Variants in ANK3 observed in about 807,000 individuals in gnomAD.
The protein encoded by ANK3 is ankyrin 3.
ANK3 carries 57 observed loss-of-function variants against 370.9 expected under a neutral mutation model. That is an observed-to-expected ratio of 0.15 (90% CI 0.12 to 0.19). The LOEUF (loss-of-function observed/expected upper bound fraction) is 0.19, where lower values mean the gene tolerates loss of function less well. Ranked by LOEUF, ANK3 falls within the 10% of genes least tolerant of loss-of-function variation. The pLI, the probability that ANK3 is intolerant of heterozygous loss-of-function variation, is 1.00. For synonymous variants in ANK3, 1,929 were observed against 1,946.3 expected (o/e 0.99, Z 0.23); for missense variants, 4,439 against 5,302.1 (o/e 0.84, Z 5.06).
In ANK3 at chr10:60,687,531, A is replaced by ACACAC. The variant is rs111633246; in HGVS notation, c.57+45731_57+45732insGTGTG. On this transcript the variant is annotated intron_variant, in intron 1 of 43. Transcript: ENST00000373827. ...CTCACATGCATTAGGCTGGTATAAA[A>ACACAC]AAAAACACACACACACACACACATG... Among the ~76,000 whole-genome samples the ACACAC allele has an allele frequency of 1.1e-4, 13 of 121,126 alleles. No homozygotes were observed. In the South Asian group the frequency reaches 2.0e-3, roughly 19 times the overall value. 79.5% of individuals were successfully genotyped at this position (121,126 alleles called of 152,430 possible). A position where few individuals can be genotyped will look rare whatever the true frequency, so the allele number is the denominator to read the frequency against.
intron 27 of ANK3, among the ~76,000 whole-genome samples, chr10:60,107,507 C>CA (rs2092310221): frequency 6.6e-6 from 1 of 152,162 alleles, no homozygotes; most frequent in Admixed American, 6.5e-5. Context: ...ACTGCCAAGG[C>CA]AAATACAACA....
Position 60,072,275 on chromosome 10 carries a change from T to C in ANK3, c.8606A>G (p.Lys2869Arg). ...ATCATGAACAAGTACATGCGAAAGT[T>C]TTTCTTTCTGAGACTTATTGTTAGT... The part of the protein sequence containing the change: ...GATNNKSQKE[K>R]LSHVLVHDVR... Residue 2869 changes from lysine (K) to arginine (R), a missense_variant, in exon 37 of 44, where the codon AAA becomes AGA. By Grantham distance (26) the Lys-to-Arg change is conservative (BLOSUM62 2). Coordinates refer to ENST00000280772, the MANE Select transcript of ANK3 (RefSeq NM_020987.5). 6.2e-7 allele frequency: 1 copy of C among 1,614,102 alleles called. No individual in the cohort carries two copies. Among genetic ancestry groups the C allele is most frequent in the Non-Finnish European group, 8.5e-7 (1 of 1,180,000 alleles).
intron 35 of ANK3, chr10:60,081,442 C>T (rs2085215691): frequency 2.5e-6 from 1 of 407,834 alleles, no homozygotes; most frequent in South Asian, 1.8e-5. Context: ...CTATTTATTA[C>T]TATTGATGTG....
intron 26 of ANK3, among the ~76,000 whole-genome samples, chr10:60,111,063 AT>A (rs2092674254): frequency 6.6e-6 from 1 of 152,188 alleles, no homozygotes; most frequent in African/African-American, 2.4e-5. Context: ...GAATAAAACT[AT>A]TTTGCTTAGA....
At chr10:60,150,005 G>A (rs992242802) in intron 23 of ANK3, among the ~76,000 whole-genome samples, 8 of 152,178 alleles carry the variant, frequency 5.3e-5, no homozygotes, top group South Asian at 2.1e-4. Flanking sequence ...CACCATACCC[G>A]GCCTCCTATA....
chr10:60,366,960 T>C (rs535689536), intron 1 of ANK3, among the ~76,000 whole-genome samples: 2 of 152,338 alleles, frequency 1.3e-5, no homozygotes, highest in South Asian at 4.1e-4. Flanking sequence ...ATTCTTACTA[T>C]ATTTACCTAA....
intron 1 of ANK3, among the ~76,000 whole-genome samples, chr10:60,310,665 A>G (rs186514633): frequency 2.2e-4 from 34 of 152,334 alleles, no homozygotes; most frequent in South Asian, 8.3e-4. Flanking sequence ...CGTAATGCCT[A>G]TGCCAGACAG....
At chr10:60,312,391 A>G (rs2046536023) in intron 1 of ANK3, among the ~76,000 whole-genome samples, 1 of 152,222 alleles carries the variant, frequency 6.6e-6, no homozygotes. Context: ...ATGTCTGTTG[A>G]ATGCTAGAAA....
chr10:60,446,877 A>G (rs897903990), intron 2 of ANK3, among the ~76,000 whole-genome samples: 1 of 152,248 alleles, frequency 6.6e-6, no homozygotes, highest in Non-Finnish European at 1.5e-5. Context: ...CTGGAAGTGA[A>G]GCACCACTTA....
chr10:60,091,736 G>GTT (rs71015765), intron 28 of ANK3, among the ~76,000 whole-genome samples: 5,698 of 145,272 alleles, frequency 0.039, 178 homozygotes, highest in Non-Finnish European at 0.061. Context: ...GCACATTTTT[G>GTT]TTTTTTTTTT....
chr10:60,586,741 C>T (rs1034535365), intron 2 of ANK3, among the ~76,000 whole-genome samples: 2 of 152,208 alleles, frequency 1.3e-5, no homozygotes, highest in Admixed American at 6.5e-5. Context: ...GGTAGGACCA[C>T]ATGACTAATT....
At chr10:60,488,926 A>C (rs1351658695) in intron 2 of ANK3, among the ~76,000 whole-genome samples, 1 of 152,268 alleles carries the variant, frequency 6.6e-6, no homozygotes, top group Non-Finnish European at 1.5e-5. Context: ...TGACATTACC[A>C]AACATAGCCT....
In ANK3 at chr10:60,412,352, G is replaced by T. The variant is rs1594976690; in HGVS notation, c.97-132713C>A. ...GAAATTGATCTCTTCCTGCCTGATT[G>T]CCTGAACTGCTACATCCATCTTCTC... On this transcript the variant is annotated intron_variant, in intron 2 of 43. Coordinates refer to the ANK3 transcript ENST00000373827. Among the ~76,000 whole-genome samples the T allele has an allele frequency of 3.3e-5, 5 of 152,206 alleles. No homozygotes were observed. In the East Asian group the frequency reaches 7.7e-4, roughly 24 times the overall value.
intron 2 of ANK3, among the ~76,000 whole-genome samples, chr10:60,468,899 A>G (rs760952000): frequency 6.7e-6 from 1 of 149,736 alleles, no homozygotes; most frequent in Non-Finnish European, 1.5e-5. Flanking sequence ...GCGGTCATAT[A>G]CAAAGTGGTG....
chr10:60,496,379 C>T (rs1446124592), intron 2 of ANK3, among the ~76,000 whole-genome samples: 2 of 152,146 alleles, frequency 1.3e-5, no homozygotes, highest in Non-Finnish European at 2.9e-5. Context: ...AGGCCCTTTC[C>T]TATGTGTTGA....
At chr10:60,528,135 TTC>T (rs200661679) in intron 2 of ANK3, among the ~76,000 whole-genome samples, 11,013 of 50,552 alleles carry the variant, frequency 0.22, 797 homozygotes, top group East Asian at 0.5. Flanking sequence ...TTTCTTCTTC[TTC>T]TTTTTTTTTT....
At chr10:60,039,382 C>A (rs1472268515) in intron 43 of ANK3, among the ~76,000 whole-genome samples, 1 of 152,134 alleles carries the variant, frequency 6.6e-6, no homozygotes, top group Non-Finnish European at 1.5e-5. Context: ...CTTGCCATGA[C>A]CTCACAAATC....
Position 60,084,530 on chromosome 10 carries a change from A to G in ANK3, c.4074+72T>C, listed in dbSNP as rs756656945. On this transcript the variant is annotated intron_variant, in intron 32 of 43. Coordinates refer to ENST00000280772, the MANE Select transcript of ANK3 (RefSeq NM_020987.5). ...CACTTGGTATTTTATAGTGAGTGCTATTAAGACCACAAAATAAAACCTCAT... is the reference window on the plus strand; with the variant it reads ...CACTTGGTATTTTATAGTGAGTGCTGTTAAGACCACAAAATAAAACCTCAT... 18 of 1,284,292 alleles carry G rather than the reference A, an allele frequency of 1.4e-5. No homozygotes were observed. In the Middle Eastern group the frequency reaches 5.6e-4, roughly 40 times the overall value. 79.6% of individuals were successfully genotyped at this position (1,284,292 alleles called of 1,614,324 possible).
chr10:60,488,794 G>A (rs953744151), intron 2 of ANK3, among the ~76,000 whole-genome samples: 1 of 152,134 alleles, frequency 6.6e-6, no homozygotes, highest in African/African-American at 2.4e-5. Flanking sequence ...TCAATCAAAT[G>A]TTTAGAAAAG....
Sources: allele counts gnomAD v4.1 joint callset (sites outside exome capture counted in the v4.1 genomes callset), GRCh38; gene constraint gnomAD v4.1.1; transcripts MANE v1.5; gene names NCBI Gene and HGNC (gene_info 2026-07-23, HGNC 2026-07-21).